The following CEBPZOS variants were observed in gnomAD, a reference collection of about 807,000 sequenced individuals.
The protein encoded by CEBPZOS is protein CEBPZOS.
A neutral mutation model predicts 4.8 loss-of-function variants in CEBPZOS; 10 were observed. The ratio of observed to expected loss-of-function variants is 2.07; its 90% CI spans 1.28 to 3.52. The LOEUF (loss-of-function observed/expected upper bound fraction) is 3.52. Ranked by LOEUF, CEBPZOS falls within the 30% of genes most tolerant of loss-of-function variation. CEBPZOS has a pLI of 0.00. For synonymous variants in CEBPZOS, 25 were observed against 14.2 expected (o/e 1.77, Z -1.72); for missense variants, 98 against 43.6 (o/e 2.25, Z -3.51).
chr2:37,209,723 G>GAAAAACT (rs1476824489), downstream of CEBPZOS: 3 of 152,202 alleles, frequency 2.0e-5, no homozygotes, highest in East Asian at 3.9e-4. Context: ...CTAGACATTG[G>GAAAAACT]CTTAAGTAGA....
At chr2:37,205,934 T>A (rs921207982), downstream of CEBPZOS, among the ~76,000 whole-genome samples, 1 of 152,212 alleles carries the variant, frequency 6.6e-6, no homozygotes. Flanking sequence ...AAGGGTCAAA[T>A]GGCAAATAAT....
rs1472449755 is a variant in CEBPZOS, at chr2:37,202,159, G to A, written c.*299G>A. On this transcript the variant is annotated 3_prime_UTR_variant, in exon 5 of 5. Coordinates refer to ENST00000402297, the MANE Select transcript of CEBPZOS (RefSeq NM_001322374.2). The stretch of plus-strand genomic sequence containing the variant: ...TTTTCTCTCCCCAAGCACTTTTACT[G>A]GTGAAATAAAAACCAGTAACAATCA... The A allele has an allele frequency of 1.8e-5, 5 of 283,874 alleles. No homozygotes were observed. The allele number at this position is 283,874 out of a possible 1,614,324, so 17.6% of individuals were successfully genotyped here. A position where few individuals can be genotyped will look rare whatever the true frequency, so the allele number is the denominator to read the frequency against.
chr2:37,207,843 G>A (rs1049574010), downstream of CEBPZOS, among the ~76,000 whole-genome samples: 6 of 151,870 alleles, frequency 4.0e-5, no homozygotes, highest in Non-Finnish European at 8.8e-5. Context: ...CACTACAAAA[G>A]ATAAATGAAA....
At chr2:37,214,880 T>C (rs529344466), downstream of CEBPZOS, 9 of 1,588,322 alleles carry the variant, frequency 5.7e-6, no homozygotes, top group Non-Finnish European at 7.8e-6. Flanking sequence ...ATATTATGTA[T>C]AGTACCTGTG....
chr2:37,201,233 A>C (rs767170297), intron 3 of CEBPZOS, 141 bp downstream of exon 3: 2 of 601,474 alleles, frequency 3.3e-6, no homozygotes, highest in Non-Finnish European at 6.0e-6. Context: ...ATTCTCATCT[A>C]TTCTAGTGAG....
downstream of CEBPZOS, among the ~76,000 whole-genome samples, chr2:37,208,020 C>T (rs1384174264): frequency 6.6e-6 from 1 of 152,040 alleles, no homozygotes; most frequent in South Asian, 2.1e-4. Context: ...ACTATGAACA[C>T]CTTTATGCAC....
intron 4 of CEBPZOS, chr2:37,211,148 A>G (rs1677709455): frequency 9.5e-7 from 1 of 1,055,792 alleles, no homozygotes. Flanking sequence ...TATTACTCCA[A>G]GATATGCTAA....
downstream of CEBPZOS, among the ~76,000 whole-genome samples, chr2:37,208,710 G>A (rs1444448317): frequency 6.6e-6 from 1 of 152,072 alleles, no homozygotes; most frequent in Admixed American, 6.5e-5. Flanking sequence ...AAAGTTGAAA[G>A]CATTCCCCCT....
downstream of CEBPZOS, among the ~76,000 whole-genome samples, chr2:37,206,673 G>C (rs1475966239): frequency 6.6e-6 from 1 of 152,064 alleles, no homozygotes; most frequent in Non-Finnish European, 1.5e-5. Flanking sequence ...TCTAAATCTT[G>C]AAACAAAACC....
chr2:37,200,962 C>T, intron 2 of CEBPZOS, 86 bp from the exon 3 acceptor site: 1 of 691,712 alleles, frequency 1.4e-6, no homozygotes, highest in South Asian at 1.6e-5. Context: ...ATCATATGGA[C>T]CCTAAAGCTA....
intron 4 of CEBPZOS, chr2:37,210,940 G>T (rs1572497597): frequency 4.6e-5 from 52 of 1,132,002 alleles, no homozygotes; most frequent in Middle Eastern, 2.1e-4. Flanking sequence ...TTCCCAAAAT[G>T]ATAATGACAC....
At chr2:37,212,929 C>T (rs1054270840) in intron 4 of CEBPZOS, among the ~76,000 whole-genome samples, 5 of 150,286 alleles carry the variant, frequency 3.3e-5, no homozygotes, top group African/African-American at 1.2e-4. Flanking sequence ...GTCCCAGCTA[C>T]CCGTGGGGCT....
intron 4 of CEBPZOS, chr2:37,211,733 A>G: frequency 1.4e-6 from 1 of 724,054 alleles, no homozygotes; most frequent in Non-Finnish European, 2.1e-6. Context: ...GGCTGACATG[A>G]GTATTAATTT....
intron 1 of CEBPZOS, chr2:37,197,460 G>A (rs1677001537): frequency 1.3e-5 from 2 of 152,196 alleles, no homozygotes; most frequent in Non-Finnish European, 2.9e-5. Flanking sequence ...TTTAACCCTG[G>A]CCTACAGATG....
Position 37,203,030 on chromosome 2 carries a change from C to T in CEBPZOS, c.*1170C>T, listed in dbSNP as rs1677356536. The T allele has an allele frequency of 6.9e-7, 1 of 1,440,620 alleles. No individual in the cohort carries two copies. Among genetic ancestry groups the T allele is most frequent in the Admixed American group, 2.4e-5 (1 of 42,442 alleles). 89.2% of individuals were successfully genotyped at this position (1,440,620 alleles called of 1,614,324 possible). ...GGCCCTAAAAAAAATTGTAAGTCTACATTATTCAATTATAAATCTAATGAT... is the reference window on the plus strand; with the variant it reads ...GGCCCTAAAAAAAATTGTAAGTCTATATTATTCAATTATAAATCTAATGAT... On this transcript the variant is annotated 3_prime_UTR_variant, in exon 5 of 5. Coordinates refer to ENST00000402297, the MANE Select transcript of CEBPZOS (RefSeq NM_001322374.2).
downstream of CEBPZOS, among the ~76,000 whole-genome samples, chr2:37,215,123 T>C (rs1039584986): frequency 1.3e-5 from 2 of 152,126 alleles, no homozygotes; most frequent in African/African-American, 2.4e-5. Flanking sequence ...AAAAAGTCTG[T>C]GTGAAGACCC....
At chr2:37,215,076 G>C, downstream of CEBPZOS, 1 of 660,956 alleles carries the variant, frequency 1.5e-6, no homozygotes, top group Non-Finnish European at 2.7e-6. Flanking sequence ...TGGGAAGGTA[G>C]ACAGAAGGGA....
At chr2:37,214,825 T>G, downstream of CEBPZOS, 2 of 1,039,914 alleles carry the variant, frequency 1.9e-6, no homozygotes, top group East Asian at 2.4e-5. Flanking sequence ...AAGCATTTTA[T>G]GAAATCTAAA....
chr2:37,203,132 C>T lies in CEBPZOS; in HGVS notation c.*1272C>T. 1.7e-6 allele frequency: 1 copy of T among 585,216 alleles called. No individual in the cohort carries two copies. The highest frequency in any genetic ancestry group is 1.9e-5 in the African/African-American group (1 of 51,644). 36.3% of individuals were successfully genotyped at this position (585,216 alleles called of 1,614,324 possible). A position where few individuals can be genotyped will look rare whatever the true frequency, so the allele number is the denominator to read the frequency against. On this transcript the variant is annotated 3_prime_UTR_variant, in exon 5 of 5. Transcript: ENST00000402297. ...AAAAACAATTGCAATAATCTTCTGG[C>T]ACCATTGGGTAGCTGGCATTTAAAT...
Sources: allele counts gnomAD v4.1 joint callset (sites outside exome capture counted in the v4.1 genomes callset), GRCh38; gene constraint gnomAD v4.1.1; transcripts MANE v1.5; gene names NCBI Gene and HGNC (gene_info 2026-07-23, HGNC 2026-07-21).